ST7: variants seen among roughly 807,000 people sequenced by gnomAD.
The protein encoded by ST7 is suppression of tumorigenicity 7, also known as suppressor of tumorigenicity 7 protein.
A neutral mutation model predicts 78.7 loss-of-function variants in ST7; 28 were observed. The ratio of observed to expected loss-of-function variants is 0.36; its 90% CI spans 0.26 to 0.49. The LOEUF is 0.49. ST7 is among the 20% of genes least tolerant of loss of function. The probability of loss-of-function intolerance (pLI) is 0.99; values close to 1 mark genes in which losing one functional copy is unlikely to be tolerated. For missense variants in ST7, 418 were observed against 696.0 expected (o/e 0.60, Z 4.49); for synonymous variants, 247 against 249.6 (o/e 0.99, Z 0.10).
chr7:117,187,834 TC>T (rs1809407279), intron 10 of ST7: 1 of 152,186 alleles, frequency 6.6e-6, no homozygotes, highest in African/African-American at 2.4e-5. Flanking sequence ...CAAATAACAA[TC>T]AATGAGTATA....
chr7:117,195,678 AACTC>A (rs1350868132), intron 12 of ST7, among the ~76,000 whole-genome samples: 1 of 152,134 alleles, frequency 6.6e-6, no homozygotes, highest in African/African-American at 2.4e-5. Context: ...ATCTTGTGAA[AACTC>A]ACTCACTATC....
chr7:117,040,359 C>T (rs187513134), intron 1 of ST7, among the ~76,000 whole-genome samples: 8 of 151,314 alleles, frequency 5.3e-5, no homozygotes, highest in African/African-American at 7.3e-5. Flanking sequence ...AGTGAAAGAG[C>T]GAAATTCTGT....
At chr7:117,090,912 G>A (rs1401721498) in intron 1 of ST7, 1 of 166,688 alleles carries the variant, frequency 6.0e-6, no homozygotes, top group East Asian at 1.9e-4. Context: ...CCTCCAGCAA[G>A]GGAGAAGGTG....
chr7:117,091,099 A>G (rs1800576945), intron 1 of ST7, among the ~76,000 whole-genome samples: 1 of 152,216 alleles, frequency 6.6e-6, no homozygotes, highest in Admixed American at 6.5e-5. Flanking sequence ...AGTGGAAGGA[A>G]GAGTAGACAG....
At chr7:117,129,710 C>T (rs1584741505) in intron 3 of ST7, 83 bp from the exon 4 acceptor site, 1 of 1,037,632 alleles carries the variant, frequency 9.6e-7, no homozygotes, top group East Asian at 2.4e-5. Flanking sequence ...TATCAAATGG[C>T]AGGAAGGGTG....
chr7:117,034,335 TG>T (rs1392420330), intron 1 of ST7, among the ~76,000 whole-genome samples: 1 of 152,222 alleles, frequency 6.6e-6, no homozygotes, highest in Non-Finnish European at 1.5e-5. Flanking sequence ...TAGTCATTTA[TG>T]TTATTGCTTA....
intron 12 of ST7, 68 bp from the exon 13 acceptor site, chr7:117,209,719 C>G: frequency 1.3e-6 from 2 of 1,543,670 alleles, no homozygotes; most frequent in South Asian, 1.2e-5. Flanking sequence ...ATCAACTGCT[C>G]TATTTTCAAT....
intron 6 of ST7, 116 bp downstream of exon 6, chr7:117,132,076 G>A: frequency 9.2e-7 from 1 of 1,081,172 alleles, no homozygotes; most frequent in Non-Finnish European, 1.4e-6. Flanking sequence ...GGATTATTTG[G>A]GGAGTTATTA....
chr7:117,158,059 G>A (rs974368094), intron 9 of ST7, among the ~76,000 whole-genome samples: 5 of 152,160 alleles, frequency 3.3e-5, no homozygotes, highest in African/African-American at 1.2e-4. Context: ...GTTTGCCATA[G>A]AGTTTAGAGT....
chr7:117,142,961 G>A (rs1005983727), intron 9 of ST7, among the ~76,000 whole-genome samples: 2 of 152,118 alleles, frequency 1.3e-5, no homozygotes, highest in Admixed American at 6.5e-5. Flanking sequence ...GCTTCCCTTA[G>A]TGTGGGTGTA....
intron 9 of ST7, among the ~76,000 whole-genome samples, chr7:117,168,715 G>A (rs1163437175): frequency 4.6e-5 from 7 of 152,156 alleles, no homozygotes; most frequent in African/African-American, 1.4e-4. Flanking sequence ...TTTTTCGTTA[G>A]TAATATGATG....
chr7:117,146,108 CTG>C (rs1805769286), intron 9 of ST7: 1 of 152,184 alleles, frequency 6.6e-6, no homozygotes, highest in African/African-American at 2.4e-5. Flanking sequence ...TTTACAAATA[CTG>C]TGTCATTTAA....
At chr7:117,032,978 G>A (rs1341181008) in intron 1 of ST7, among the ~76,000 whole-genome samples, 1 of 152,172 alleles carries the variant, frequency 6.6e-6, no homozygotes, top group Non-Finnish European at 1.5e-5. Flanking sequence ...AGGCAGATAA[G>A]GGGGTCTAGT....
intron 1 of ST7, among the ~76,000 whole-genome samples, chr7:117,095,224 C>T (rs1800934283): frequency 6.6e-6 from 1 of 152,178 alleles, no homozygotes; most frequent in Admixed American, 6.5e-5. Flanking sequence ...CAGGCTATTA[C>T]TGTCATGAGA....
At chr7:116,969,787 G>A (rs1793318810) in intron 1 of ST7, among the ~76,000 whole-genome samples, 2 of 152,138 alleles carry the variant, frequency 1.3e-5, no homozygotes, top group Admixed American at 1.3e-4. Context: ...TAGAAAAAAG[G>A]GAAAGCAGCT....
intron 1 of ST7, among the ~76,000 whole-genome samples, chr7:117,078,066 T>C (rs950553767): frequency 2.6e-5 from 4 of 152,182 alleles, no homozygotes; most frequent in African/African-American, 9.6e-5. Context: ...TCTCTCAATC[T>C]ATAGATAAGA....
At chr7:117,022,967 C>T (rs1796000217) in intron 1 of ST7, 1 of 152,138 alleles carries the variant, frequency 6.6e-6, no homozygotes, top group Admixed American at 6.5e-5. Flanking sequence ...GTGGCCTTTC[C>T]CAGTCAATAT....
intron 10 of ST7, among the ~76,000 whole-genome samples, chr7:117,180,186 T>C (rs191222843): frequency 4.7e-4 from 71 of 152,230 alleles, no homozygotes; most frequent in African/African-American, 1.6e-3. Flanking sequence ...AACCCACAGA[T>C]AATCTTTCAA....
At chr7:117,096,089 A>C (rs1376528076) in intron 1 of ST7, among the ~76,000 whole-genome samples, 1 of 150,902 alleles carries the variant, frequency 6.6e-6, no homozygotes, top group East Asian at 1.9e-4. Context: ...AAAAAAAAAA[A>C]AAAAAAAAAG....
Sources: allele counts gnomAD v4.1 joint callset (sites outside exome capture counted in the v4.1 genomes callset), GRCh38; gene constraint gnomAD v4.1.1; transcripts MANE v1.5; gene names NCBI Gene and HGNC (gene_info 2026-07-23, HGNC 2026-07-21).